The following ERICH3 variants were observed in gnomAD, a reference collection of about 807,000 sequenced individuals.
ERICH3 encodes the protein glutamate-rich protein 3.
A neutral mutation model predicts 131.1 loss-of-function variants in ERICH3; 126 were observed. That is an observed-to-expected ratio of 0.96 (90% confidence interval 0.83 to 1.11). The LOEUF (loss-of-function observed/expected upper bound fraction) is 1.11. ERICH3 is among the 50% of genes most tolerant of loss of function. The pLI, the probability that ERICH3 is intolerant of heterozygous loss-of-function variation, is 0.00. For synonymous variants in ERICH3, 695 were observed against 644.6 expected, an observed-to-expected ratio of 1.08 and a Z score of -1.18; for missense variants, 2,050 against 1,810.7, an observed-to-expected ratio of 1.13 and a Z score of -2.40.
intron 10 of ERICH3, among the ~76,000 whole-genome samples, chr1:74,603,129 C>T (rs1648223573): frequency 6.6e-6 from 1 of 151,852 alleles, no homozygotes; most frequent in Non-Finnish European, 1.5e-5. Flanking sequence ...AGCCCTTCCA[C>T]AGGTACCCCA....
chr1:74,590,238 A>G (rs1018906184), intron 11 of ERICH3, among the ~76,000 whole-genome samples, 158 bp from the exon 12 acceptor site: 14 of 152,150 alleles, frequency 9.2e-5, no homozygotes, highest in Admixed American at 2.6e-4. Flanking sequence ...GTGGTCCCCA[A>G]TCTTTTTTAT....
rs753752450 is a variant in ERICH3 at position 74,571,398 on chromosome 1, C to A, written c.4312G>T (p.Glu1438Ter). ...TGTCCTAGCCCTGAGGTCTTCCGCT[C>A]CAGGGCTCCTGGAGTGCCCACCCCA... ...EAGVGTPGAL[E>*]RKTSGLGQEQ... Residue 1438 changes from glutamate to a stop codon, truncating the protein, a stop_gained, in exon 14 of 15, where the codon GAG (glutamate) becomes TAG (stop). Coordinates refer to ENST00000326665, the MANE Select transcript of ERICH3 (RefSeq NM_001002912.5). LOFTEE classifies it high-confidence loss of function. 1 of 1,614,024 alleles carries A rather than the reference C, an allele frequency of 6.2e-7. No homozygotes were observed.
intron 1 of ERICH3, among the ~76,000 whole-genome samples, chr1:74,669,746 C>T (rs142058843): frequency 6.9e-4 from 105 of 152,276 alleles, no homozygotes; most frequent in African/African-American, 2.4e-3. Context: ...TGAACAAAGC[C>T]GGCACAGGCC....
chr1:74,663,211 T>G (rs1284495002), intron 1 of ERICH3, among the ~76,000 whole-genome samples: 1 of 152,142 alleles, frequency 6.6e-6, no homozygotes, highest in Non-Finnish European at 1.5e-5. Flanking sequence ...ATATACTATG[T>G]GTCAGGCCCT....
At chr1:74,577,669 A>C (rs1027286407) in intron 12 of ERICH3, among the ~76,000 whole-genome samples, 1 of 152,208 alleles carries the variant, frequency 6.6e-6, no homozygotes, top group African/African-American at 2.4e-5. Flanking sequence ...AACACAATAC[A>C]CAACAGAAGA....
At chr1:74,589,609 T>G (rs778914098) in intron 12 of ERICH3, 22 bp downstream of exon 12, 1 of 1,607,602 alleles carries the variant, frequency 6.2e-7, no homozygotes, top group Non-Finnish European at 8.5e-7. Context: ...TGATGGCAGC[T>G]CAACTCAACG....
Position 74,673,623 on chromosome 1 carries a change from C to T in ERICH3, c.-104G>A. Reference sequence around the variant, plus strand: ...CAGTCGCGCTCGAGGGGTGGCTCCGCACCGAGGTCCCCTGTGCGCGGGCAC... The same window carrying T: ...CAGTCGCGCTCGAGGGGTGGCTCCGTACCGAGGTCCCCTGTGCGCGGGCAC... On this transcript the variant is annotated 5_prime_UTR_variant, in exon 1 of 15. Transcript: ENST00000326665. 7.5e-7 allele frequency: 1 copy of T among 1,334,912 alleles called. No individual in the cohort carries two copies. 82.7% of individuals were successfully genotyped at this position (1,334,912 alleles called of 1,614,324 possible). A position where few individuals can be genotyped will look rare whatever the true frequency, so the allele number is the denominator to read the frequency against.
chr1:74,649,410 T>G, intron 1 of ERICH3, 95 bp from the exon 2 acceptor site: 1 of 847,086 alleles, frequency 1.2e-6, no homozygotes, highest in Non-Finnish European at 1.9e-6. Context: ...GCATAATCAT[T>G]CACTCATGCA....
chr1:74,572,442 C>T lies in ERICH3; in HGVS notation c.3268G>A (p.Asp1090Asn), dbSNP rs201136666. The change falls in exon 14 of 15, where the codon GAT becomes AAT. Residue 1090 changes from aspartate (D) to asparagine (N), a missense_variant. Transcript: ENST00000326665. ...VTRANALKDE[D>N]AFKEEQKLKA... The stretch of plus-strand genomic sequence containing the variant: ...AGTTTTTGCTCTTCTTTAAAAGCAT[C>T]TTCATCCTTGAGTGCATTTGCCCTT... The T allele has an allele frequency of 1.9e-6, 3 of 1,614,070 alleles. No homozygotes were observed. Among genetic ancestry groups the T allele is most frequent in the Non-Finnish European group, 2.5e-6 (3 of 1,180,024 alleles).
chr1:74,661,800 A>G (rs968189945), intron 1 of ERICH3, among the ~76,000 whole-genome samples: 3 of 152,216 alleles, frequency 2.0e-5, no homozygotes, highest in Non-Finnish European at 4.4e-5. Context: ...AGAAGCAGAA[A>G]TTAACTCCCC....
intron 8 of ERICH3, 69 bp from the exon 9 acceptor site, chr1:74,612,878 T>C (rs548076441): frequency 6.0e-6 from 8 of 1,329,804 alleles, no homozygotes; most frequent in Non-Finnish European, 2.1e-6. Context: ...AAATCATGTT[T>C]TTCTATTAGA....
At chr1:74,660,235 A>G (rs554225255) in intron 1 of ERICH3, among the ~76,000 whole-genome samples, 13 of 152,210 alleles carry the variant, frequency 8.5e-5, no homozygotes, top group African/African-American at 2.6e-4. Flanking sequence ...AAGTTTCCTG[A>G]GACCTTACCA....
intron 1 of ERICH3, among the ~76,000 whole-genome samples, chr1:74,656,155 T>C (rs1480205387): frequency 6.6e-6 from 1 of 152,144 alleles, no homozygotes; most frequent in Non-Finnish European, 1.5e-5. Context: ...TGGCCCGGGC[T>C]GTGAACCAAA....
At chr1:74,649,134 AT>A in intron 2 of ERICH3, 87 bp downstream of exon 2, 1 of 831,312 alleles carries the variant, frequency 1.2e-6, no homozygotes, top group South Asian at 2.1e-5. Context: ...CAAGTGGAAG[AT>A]GTCACTCAAA....
rs562600162 is a variant in ERICH3, at chr1:74,652,272, C to CATAT, written c.24-2961_24-2958dup. On this transcript the variant is annotated intron_variant, in intron 1 of 14. Coordinates refer to ENST00000326665, the MANE Select transcript of ERICH3 (RefSeq NM_001002912.5). The stretch of plus-strand genomic sequence containing the variant: ...TCAATTCAAGCATTTCCACTGCATG[C>CATAT]ATATACATGTGACCATCTTTCTGAC... 1.3e-4 allele frequency among the ~76,000 whole-genome samples: 20 copies of CATAT among 152,262 alleles called. 1 individual carries two copies. The South Asian group carries it at 4.1e-3, about 32-fold the overall frequency.
At position 74,589,887 on chromosome 1, in the gene ERICH3, T is replaced by C. The variant is rs1570830798; in HGVS notation, c.1920A>G (p.Leu640=). The change falls in exon 12 of 15, where the codon TTA becomes TTG. Residue 640 remains leucine, a synonymous_variant. Coordinates refer to ENST00000326665, the MANE Select transcript of ERICH3 (RefSeq NM_001002912.5). The part of the protein sequence containing the change: ...RKSHLPIEES[L]EIEIEDQEIT... ...TTTCTTGGTCTTCAATTTCAATTTCTAAGGATTCCTCAATTGGAAGGTGAG... is the reference window on the plus strand; with the variant it reads ...TTTCTTGGTCTTCAATTTCAATTTCCAAGGATTCCTCAATTGGAAGGTGAG... The C allele has an allele frequency of 6.2e-7, 1 of 1,614,068 alleles. No homozygotes were observed. Among genetic ancestry groups the C allele is most frequent in the South Asian group, 1.1e-5 (1 of 91,078 alleles).
chr1:74,646,531 G>T, intron 3 of ERICH3, 136 bp downstream of exon 3: 2 of 515,066 alleles, frequency 3.9e-6, no homozygotes, highest in Non-Finnish European at 3.0e-6. Context: ...TCTTTTTCTA[G>T]GTACAAAAGC....
chr1:74,609,537 CT>C (rs1648587092), intron 9 of ERICH3, among the ~76,000 whole-genome samples: 1 of 151,958 alleles, frequency 6.6e-6, no homozygotes, highest in Admixed American at 6.6e-5. Flanking sequence ...GTGTTATGGT[CT>C]CTAGAATAAC....
At chr1:74,638,202 G>C (rs1204659668) in intron 5 of ERICH3, among the ~76,000 whole-genome samples, 2 of 152,178 alleles carry the variant, frequency 1.3e-5, no homozygotes, top group African/African-American at 4.8e-5. Context: ...AGTTAGGCTT[G>C]AGAAGCATGT....
Sources: allele counts gnomAD v4.1 joint callset (sites outside exome capture counted in the v4.1 genomes callset), GRCh38; gene constraint gnomAD v4.1.1; transcripts MANE v1.5; gene names NCBI Gene and HGNC (gene_info 2026-07-23, HGNC 2026-07-21).